Variants in TANC2 observed in about 807,000 individuals in gnomAD.
TANC2 encodes tetratricopeptide repeat, ankyrin repeat and coiled-coil containing 2, also known as protein TANC2.
A neutral mutation model predicts 210.5 loss-of-function variants in TANC2; 26 were observed. That is an observed-to-expected ratio of 0.12 (90% CI 0.09 to 0.17). The LOEUF is 0.17. TANC2 is among the 10% of genes least tolerant of loss of function. The pLI, the probability that TANC2 is intolerant of heterozygous loss-of-function variation, is 1.00. For synonymous variants in TANC2, 931 were observed against 967.1 expected, an observed-to-expected ratio of 0.96 and a Z score of 0.69; for missense variants, 2,129 against 2,608.9, an observed-to-expected ratio of 0.82 and a Z score of 4.01.
chr17:63,364,679 T>C (rs551836874), intron 14 of TANC2, among the ~76,000 whole-genome samples: 2 of 152,158 alleles, frequency 1.3e-5, no homozygotes, highest in African/African-American at 4.8e-5. Context: ...CCCAGGGCTT[T>C]GGAAAGCCAA....
intron 4 of TANC2, among the ~76,000 whole-genome samples, chr17:63,129,185 G>T (rs1479264610): frequency 3.3e-5 from 5 of 151,584 alleles, no homozygotes; most frequent in Admixed American, 1.3e-4. Context: ...TTTAACTTTT[G>T]TAGAGATGAG....
At chr17:63,310,597 G>C (rs548158549) in intron 9 of TANC2, among the ~76,000 whole-genome samples, 3 of 152,090 alleles carry the variant, frequency 2.0e-5, no homozygotes, top group Non-Finnish European at 2.9e-5. Context: ...TAAGACAAAC[G>C]CAGGCATTCC....
intron 8 of TANC2, among the ~76,000 whole-genome samples, chr17:63,247,368 T>C (rs922166506): frequency 6.6e-6 from 1 of 152,072 alleles, no homozygotes; most frequent in Non-Finnish European, 1.5e-5. Context: ...GTTTATATCA[T>C]GTATTATAAA....
chr17:63,326,478 A>C (rs2045650901), intron 11 of TANC2, among the ~76,000 whole-genome samples: 1 of 152,168 alleles, frequency 6.6e-6, no homozygotes, highest in South Asian at 2.1e-4. Flanking sequence ...TAGGATCTAA[A>C]GCTAGAGGAA....
At chr17:63,201,065 T>C (rs925167631) in intron 7 of TANC2, 108 bp downstream of exon 7, 3 of 952,456 alleles carry the variant, frequency 3.1e-6, no homozygotes, top group Middle Eastern at 2.6e-4. Flanking sequence ...TTGAGATGTA[T>C]ATATAAAACT....
At chr17:63,193,899 A>G in intron 5 of TANC2, 92 bp from the exon 6 acceptor site, 1 of 1,337,746 alleles carries the variant, frequency 7.5e-7, no homozygotes, top group Non-Finnish European at 9.8e-7. Flanking sequence ...TGTGAAAACT[A>G]AAGAAATGAC....
rs60544128 is a variant in TANC2 at position 63,335,959 on chromosome 17, C to G, written c.1576-4142C>G. 1.2e-3 allele frequency among the ~76,000 whole-genome samples: 182 copies of G among 151,708 alleles called. 2 individuals carry two copies. The highest frequency in any genetic ancestry group is 4.3e-3 in the African/African-American group (176 of 41,304). ...AAAAATTAAAAAATAAATAAAAGTC[C>G]TACTGCCAAAAAAAAAAATGGTAGG... On this transcript the variant is annotated intron_variant, in intron 11 of 27. Coordinates refer to ENST00000689528, the Ensembl canonical transcript of TANC2.
chr17:63,371,010 T>C (rs1488626106), intron 14 of TANC2, among the ~76,000 whole-genome samples: 2 of 152,194 alleles, frequency 1.3e-5, no homozygotes, highest in Non-Finnish European at 2.9e-5. Context: ...TCTCACTAGG[T>C]CTCTTTAAAT....
chr17:63,413,523 A>G lies in TANC2; in HGVS notation c.3929-20A>G. On this transcript the variant is annotated intron_variant, in intron 24 of 27. Coordinates refer to ENST00000689528, the Ensembl canonical transcript of TANC2. ...ACATTGTATGAGTTTTTTACCCATC[A>G]TGCATCCTGTACACTACAGGTCCAG... The G allele has an allele frequency of 1.3e-6, 2 of 1,568,676 alleles. No homozygotes were observed. The highest frequency in any genetic ancestry group is 1.7e-6 in the Non-Finnish European group (2 of 1,156,068).
At chr17:63,221,732 T>A (rs764184262) in intron 7 of TANC2, among the ~76,000 whole-genome samples, 10 of 152,170 alleles carry the variant, frequency 6.6e-5, no homozygotes, top group South Asian at 2.1e-4. Flanking sequence ...TAGTACAATG[T>A]CTAAAACTCA....
intron 2 of TANC2, among the ~76,000 whole-genome samples, chr17:63,050,211 A>G (rs535463871): frequency 2.6e-5 from 4 of 151,944 alleles, no homozygotes; most frequent in Non-Finnish European, 5.9e-5. Context: ...ATAACCTCCA[A>G]AATAAAAATT....
intron 3 of TANC2, among the ~76,000 whole-genome samples, chr17:63,081,732 A>G (rs1030886201): frequency 6.6e-6 from 1 of 152,206 alleles, no homozygotes; most frequent in Non-Finnish European, 1.5e-5. Context: ...ACGTAGCCCC[A>G]AGCACATTTT....
At chr17:63,354,686 C>G in intron 13 of TANC2, 97 bp from the exon 14 acceptor site, 1 of 1,458,034 alleles carries the variant, frequency 6.9e-7, no homozygotes, top group East Asian at 2.3e-5. Context: ...TTGGCCACTT[C>G]GAAGTTCAGA....
intron 4 of TANC2, among the ~76,000 whole-genome samples, chr17:63,123,669 A>G (rs1183873384): frequency 6.7e-6 from 1 of 148,762 alleles, no homozygotes; most frequent in African/African-American, 2.5e-5. Context: ...TTAAAACTGT[A>G]GAGTAGGTAA....
chr17:63,247,069 A>T (rs1300828788), intron 8 of TANC2, among the ~76,000 whole-genome samples: 1 of 151,934 alleles, frequency 6.6e-6, no homozygotes, highest in East Asian at 1.9e-4. Flanking sequence ...GTGTATTGTT[A>T]TCTATTCATT....
chr17:63,035,019 C>T (rs1288558917), intron 2 of TANC2, among the ~76,000 whole-genome samples: 2 of 152,054 alleles, frequency 1.3e-5, no homozygotes, highest in African/African-American at 4.8e-5. Context: ...AGTAAAATGC[C>T]ATCAAATATA....
intron 11 of TANC2, among the ~76,000 whole-genome samples, chr17:63,328,376 A>ATATGTG (rs372249542): frequency 5.4e-5 from 8 of 147,030 alleles, no homozygotes; most frequent in African/African-American, 2.0e-4. Flanking sequence ...GTATGTGTAT[A>ATATGTG]TGTGTGTGTG....
chr17:63,254,931 G>T (rs1408280697), intron 8 of TANC2, among the ~76,000 whole-genome samples: 2 of 151,836 alleles, frequency 1.3e-5, no homozygotes, highest in Admixed American at 6.6e-5. Flanking sequence ...TTGGCCTGTG[G>T]TTTTCTTGTT....
intron 7 of TANC2, among the ~76,000 whole-genome samples, chr17:63,235,225 G>T (rs2042587968): frequency 6.6e-6 from 1 of 151,824 alleles, no homozygotes; most frequent in Non-Finnish European, 1.5e-5. Flanking sequence ...ACTATCCTTG[G>T]TTTTTTGTCC....
Sources: gnomAD v4.1 joint callset for allele counts (sites outside exome capture counted in the v4.1 genomes callset) on GRCh38, gnomAD v4.1.1 for gene constraint, MANE v1.5 for transcripts, NCBI Gene and HGNC (gene_info 2026-07-23, HGNC 2026-07-21) for gene names.